NRG3: variants seen among roughly 807,000 people sequenced by gnomAD.
NRG3 encodes the protein neuregulin 3.
A neutral mutation model predicts 66.9 loss-of-function variants in NRG3; 31 were observed. The ratio of observed to expected loss-of-function variants is 0.46; its 90% confidence interval spans 0.35 to 0.63. The LOEUF is 0.63. Ranked by LOEUF, NRG3 falls within the 20% of genes least tolerant of loss-of-function variation. The pLI, the probability that NRG3 is intolerant of heterozygous loss-of-function variation, is 0.00. For synonymous variants in NRG3, 393 were observed against 359.4 expected (o/e 1.09, Z -1.06); for missense variants, 910 against 878.9 (o/e 1.04, Z -0.45).
chr10:82,473,434 C>T (rs891442308), intron 2 of NRG3, among the ~76,000 whole-genome samples: 2 of 152,108 alleles, frequency 1.3e-5, no homozygotes, highest in East Asian at 1.9e-4. Flanking sequence ...CTGGTGTCAG[C>T]AAGATTTCCC....
intron 1 of NRG3, among the ~76,000 whole-genome samples, chr10:81,891,615 T>G (rs1044763873): frequency 6.6e-6 from 1 of 152,160 alleles, no homozygotes; most frequent in Non-Finnish European, 1.5e-5. Flanking sequence ...GCAATCTTGG[T>G]ATTTGTGACG....
rs565288884 is a variant in NRG3 at position 82,349,629 on chromosome 10, C to A, written c.824-9110C>A. ...TTCCCGGCTGCTTTGTTTACCTAAG[C>A]AAGCCTGGGCAATGGCGGGCGCCCC... On this transcript the variant is annotated intron_variant, in intron 1 of 8. Coordinates refer to ENST00000372141, the MANE Select transcript of NRG3 (RefSeq NM_001010848.4). Among the ~76,000 whole-genome samples the A allele has an allele frequency of 1.2e-3, 175 of 152,112 alleles. 1 individual carries two copies. Among genetic ancestry groups the A allele is most frequent in the South Asian group, 3.5e-3 (17 of 4,814 alleles).
chr10:82,033,947 A>G (rs1220114312), intron 1 of NRG3, among the ~76,000 whole-genome samples: 7 of 152,118 alleles, frequency 4.6e-5, no homozygotes, highest in Admixed American at 4.6e-4. Flanking sequence ...CATTATAGTA[A>G]TATATTTGCA....
chr10:82,261,383 G>A (rs1017466369), intron 1 of NRG3, among the ~76,000 whole-genome samples: 5 of 152,148 alleles, frequency 3.3e-5, no homozygotes, highest in Non-Finnish European at 7.4e-5. Context: ...GGAACTGAGA[G>A]TCAATTAAAC....
intron 2 of NRG3, among the ~76,000 whole-genome samples, chr10:82,494,900 A>G (rs891009785): frequency 6.6e-6 from 1 of 151,904 alleles, no homozygotes; most frequent in Non-Finnish European, 1.5e-5. Flanking sequence ...TTATATGCAT[A>G]TCAGACACCG....
intron 1 of NRG3, among the ~76,000 whole-genome samples, chr10:81,907,544 T>A (rs1324183900): frequency 6.6e-6 from 1 of 152,158 alleles, no homozygotes; most frequent in Non-Finnish European, 1.5e-5. Context: ...CTCTCTTAAT[T>A]ACATTATGAC....
intron 2 of NRG3, among the ~76,000 whole-genome samples, chr10:82,509,670 C>G (rs1247148516): frequency 6.6e-6 from 1 of 152,152 alleles, no homozygotes; most frequent in African/African-American, 2.4e-5. Context: ...CACTGTGTTC[C>G]CCCACTAACT....
At chr10:82,264,196 A>G (rs2078179446) in intron 1 of NRG3, among the ~76,000 whole-genome samples, 1 of 152,178 alleles carries the variant, frequency 6.6e-6, no homozygotes, top group African/African-American at 2.4e-5. Context: ...CATACCTGAG[A>G]CTGGGTAATT....
intron 4 of NRG3, among the ~76,000 whole-genome samples, chr10:82,911,607 A>G (rs921902206): frequency 6.6e-6 from 1 of 151,596 alleles, no homozygotes; most frequent in African/African-American, 2.4e-5. Flanking sequence ...TTCTTTATAT[A>G]GTAATTTTTG....
At chr10:82,695,910 T>G (rs1317557666) in intron 2 of NRG3, among the ~76,000 whole-genome samples, 1 of 152,112 alleles carries the variant, frequency 6.6e-6, no homozygotes, top group Non-Finnish European at 1.5e-5. Context: ...CCTGCAAGCT[T>G]CCTCTGGAGT....
chr10:82,267,347 G>C (rs970204264), intron 1 of NRG3, among the ~76,000 whole-genome samples: 1 of 152,156 alleles, frequency 6.6e-6, no homozygotes, highest in African/African-American at 2.4e-5. Context: ...GTTTCCAGAG[G>C]CCTGGGTATC....
At chr10:82,642,726 T>A (rs2050669142) in intron 2 of NRG3, among the ~76,000 whole-genome samples, 2 of 151,938 alleles carry the variant, frequency 1.3e-5, no homozygotes, top group African/African-American at 4.8e-5. Context: ...AATTGTGAAA[T>A]GTGAATCTTA....
chr10:82,024,654 T>C (rs2062215463), intron 1 of NRG3, among the ~76,000 whole-genome samples: 1 of 152,014 alleles, frequency 6.6e-6, no homozygotes, highest in Non-Finnish European at 1.5e-5. Context: ...AGGGACTGAT[T>C]CAGTCCCAGC....
intron 2 of NRG3, among the ~76,000 whole-genome samples, chr10:82,551,559 T>A: frequency 6.6e-6 from 1 of 151,930 alleles, no homozygotes; most frequent in South Asian, 2.1e-4. Flanking sequence ...TAGATGACGA[T>A]GATAAAGGTA....
chr10:81,987,806 A>G (rs2060583019), intron 1 of NRG3, among the ~76,000 whole-genome samples: 1 of 152,318 alleles, frequency 6.6e-6, no homozygotes, highest in Non-Finnish European at 1.5e-5. Context: ...GCTGCCTTTT[A>G]TGGATGGGGA....
chr10:82,008,679 G>T (rs2061465869), intron 1 of NRG3, among the ~76,000 whole-genome samples: 1 of 152,034 alleles, frequency 6.6e-6, no homozygotes, highest in Non-Finnish European at 1.5e-5. Flanking sequence ...TCCATTTCTG[G>T]TAGTCTCTTT....
intron 1 of NRG3, among the ~76,000 whole-genome samples, chr10:82,243,708 G>C (rs538828587): frequency 6.6e-6 from 1 of 152,122 alleles, no homozygotes; most frequent in Non-Finnish European, 1.5e-5. Context: ...ACTTTCCCAA[G>C]TTAATTTTTT....
At chr10:82,781,703 T>A (rs2060123631) in intron 3 of NRG3, among the ~76,000 whole-genome samples, 1 of 152,010 alleles carries the variant, frequency 6.6e-6, no homozygotes, top group East Asian at 1.9e-4. Flanking sequence ...ATGTCATGGG[T>A]TTCATGAGGT....
intron 1 of NRG3, among the ~76,000 whole-genome samples, chr10:82,066,667 C>T (rs1232509811): frequency 6.6e-6 from 1 of 152,190 alleles, no homozygotes; most frequent in African/African-American, 2.4e-5. Context: ...GAGTGATTCA[C>T]TTCACGAAGA....
Sources: gnomAD v4.1 joint callset for allele counts (sites outside exome capture counted in the v4.1 genomes callset) on GRCh38, gnomAD v4.1.1 for gene constraint, MANE v1.5 for transcripts, NCBI Gene and HGNC (gene_info 2026-07-23, HGNC 2026-07-21) for gene names.